ITPR1: variants seen among roughly 807,000 people sequenced by gnomAD.
The protein encoded by ITPR1 is inositol 1,4,5-trisphosphate receptor type 1, also known as inositol 1,4,5-trisphosphate-gated calcium channel ITPR1.
A neutral mutation model predicts 318.4 loss-of-function variants in ITPR1; 96 were observed. The ratio of observed to expected loss-of-function variants is 0.30; its 90% CI spans 0.26 to 0.36. The LOEUF (loss-of-function observed/expected upper bound fraction) is 0.36, where lower values mean the gene tolerates loss of function less well. ITPR1 is among the 10% of genes least tolerant of loss of function. The probability of loss-of-function intolerance (pLI) is 1.00; values close to 1 mark genes in which losing one functional copy is unlikely to be tolerated. For missense variants in ITPR1, 2,440 were observed against 3,460.2 expected (o/e 0.71, Z 7.40); for synonymous variants, 1,312 against 1,289.9 (o/e 1.02, Z -0.37).
chr3:4,817,374 C>G (rs1418281739), intron 59 of ITPR1: 1 of 152,152 alleles, frequency 6.6e-6, no homozygotes, highest in East Asian at 1.9e-4. Context: ...GTACACAGCA[C>G]ATGTATCTGC....
chr3:4,644,345 G>T (rs1325698887), intron 8 of ITPR1, 111 bp downstream of exon 8: 2 of 702,384 alleles, frequency 2.8e-6, no homozygotes, highest in Non-Finnish European at 2.4e-6. Flanking sequence ...TTGGGGCAGG[G>T]TGCCCATTCT....
chr3:4,577,575 A>T (rs2125045985), intron 4 of ITPR1, among the ~76,000 whole-genome samples: 1 of 152,248 alleles, frequency 6.6e-6, no homozygotes, highest in South Asian at 2.1e-4. Context: ...GTATTTTTTC[A>T]GCTTATAGCC....
At chr3:4,663,850 A>G (rs7649337) in intron 16 of ITPR1, among the ~76,000 whole-genome samples, 10,325 of 151,956 alleles carry the variant, frequency 0.068, 521 homozygotes, top group East Asian at 0.13. Context: ...GAACGTTCTT[A>G]CTGCATGCAT....
intron 30 of ITPR1, among the ~76,000 whole-genome samples, chr3:4,686,376 G>A (rs1004605549): frequency 6.6e-6 from 1 of 152,192 alleles, no homozygotes; most frequent in African/African-American, 2.4e-5. Context: ...ATAATACCTA[G>A]CTAACTTGTA....
chr3:4,662,962 C>T (rs1397999615), intron 15 of ITPR1, 103 bp from the exon 16 acceptor site: 1 of 937,206 alleles, frequency 1.1e-6, no homozygotes, highest in Non-Finnish European at 1.7e-6. Context: ...TGTGGGTCTG[C>T]CCCTGTTTAA....
At chr3:4,827,034 T>G (rs1045184282) in intron 60 of ITPR1, among the ~76,000 whole-genome samples, 1 of 152,220 alleles carries the variant, frequency 6.6e-6, no homozygotes, top group African/African-American at 2.4e-5. Flanking sequence ...CTTCTCCCCA[T>G]TGGCTACTTC....
intron 51 of ITPR1, among the ~76,000 whole-genome samples, chr3:4,787,001 A>G (rs1232355871): frequency 2.0e-5 from 3 of 152,200 alleles, no homozygotes; most frequent in South Asian, 4.1e-4. Flanking sequence ...CTCCAACATG[A>G]TAGTCACTAG....
chr3:4,752,983 G>A (rs1272379088), intron 44 of ITPR1, among the ~76,000 whole-genome samples: 2 of 152,202 alleles, frequency 1.3e-5, no homozygotes, highest in Non-Finnish European at 2.9e-5. Flanking sequence ...GAAGTGTGAT[G>A]GGGAAGCAAA....
At chr3:4,811,726 C>T (rs2048950944) in intron 56 of ITPR1, among the ~76,000 whole-genome samples, 1 of 152,198 alleles carries the variant, frequency 6.6e-6, no homozygotes, top group African/African-American at 2.4e-5. Context: ...TTTTGTAAAG[C>T]AGTGACCATA....
intron 4 of ITPR1, among the ~76,000 whole-genome samples, chr3:4,615,373 CT>C (rs11330102): frequency 0.29 from 35,395 of 122,782 alleles, 8,572 homozygotes; most frequent in African/African-American, 0.68. Context: ...TGATTTCTTT[CT>C]TTTTTTTTTT....
chr3:4,629,105 T>C (rs148791926), intron 5 of ITPR1, among the ~76,000 whole-genome samples: 1,841 of 152,276 alleles, frequency 0.012, 14 homozygotes, highest in Non-Finnish European at 0.02. Context: ...ATCCAGACTT[T>C]CTGTCATCAT....
chr3:4,818,448 C>T (rs2049449730), intron 60 of ITPR1, among the ~76,000 whole-genome samples: 1 of 152,116 alleles, frequency 6.6e-6, no homozygotes, highest in Non-Finnish European at 1.5e-5. Flanking sequence ...GTGGTATTGG[C>T]CTGTGTTAGT....
intron 12 of ITPR1, among the ~76,000 whole-genome samples, chr3:4,655,827 G>GA (rs1396734641): frequency 6.6e-6 from 1 of 152,196 alleles, no homozygotes; most frequent in Non-Finnish European, 1.5e-5. Context: ...CAGAGGAGGG[G>GA]TGCATGGAGA....
rs904673815 is a variant in ITPR1, at chr3:4,703,662, A to G, written c.4657+712A>G. On this transcript the variant is annotated intron_variant, in intron 36 of 61. Transcript: ENST00000649015. ...GAGCAAGACAGGTGTAGTTCTCAGC[A>G]TTATTTAGTGGCTGTCCAGCAACTG... Among the ~76,000 whole-genome samples the G allele has an allele frequency of 2.0e-5, 3 of 151,918 alleles. No individual in the cohort carries two copies. In the East Asian group the frequency reaches 5.8e-4, roughly 30 times the overall value.
At chr3:4,529,600 G>A (rs2083255075) in intron 4 of ITPR1, among the ~76,000 whole-genome samples, 1 of 152,124 alleles carries the variant, frequency 6.6e-6, no homozygotes, top group South Asian at 2.1e-4. Context: ...GTCTCCTGGG[G>A]TCAAAGAGCA....
At chr3:4,558,621 A>C (rs76335939) in intron 4 of ITPR1, among the ~76,000 whole-genome samples, 22,810 of 152,168 alleles carry the variant, frequency 0.15, 2,220 homozygotes, top group Non-Finnish European at 0.22. Flanking sequence ...ATACATAGGC[A>C]AGGAAATAGC....
chr3:4,801,775 A>G (rs1027747496), intron 54 of ITPR1, among the ~76,000 whole-genome samples: 4 of 152,092 alleles, frequency 2.6e-5, no homozygotes, highest in African/African-American at 9.7e-5. Flanking sequence ...AAAATAAATA[A>G]ATGAACAAAT....
intron 60 of ITPR1, chr3:4,831,121 T>TCACACACA (rs1181374459): frequency 0.01 from 2,776 of 266,538 alleles, 23 homozygotes; most frequent in Non-Finnish European, 0.014. Flanking sequence ...TCTCTCTCTC[T>TCACACACA]CTCTCTCTCT....
At chr3:4,517,066 A>C (rs2082222213) in intron 3 of ITPR1, among the ~76,000 whole-genome samples, 1 of 152,224 alleles carries the variant, frequency 6.6e-6, no homozygotes, top group South Asian at 2.1e-4. Context: ...TGCTGTATGC[A>C]TTTGAAAATT....
Sources: allele counts gnomAD v4.1 joint callset (sites outside exome capture counted in the v4.1 genomes callset), GRCh38; gene constraint gnomAD v4.1.1; transcripts MANE v1.5; gene names NCBI Gene and HGNC (gene_info 2026-07-23, HGNC 2026-07-21).